MRPS5: variants seen among roughly 807,000 people sequenced by gnomAD.
MRPS5 encodes the protein small ribosomal subunit protein uS5m.
Under a neutral mutation model 51.9 loss-of-function variants are expected in MRPS5, and 27 were observed. That is an observed-to-expected ratio of 0.52 (90% CI 0.38 to 0.72). MRPS5 has a LOEUF of 0.72. Among genes scored for constraint, MRPS5 ranks in the 30% least tolerant of loss-of-function variants. The pLI is 0.00. For missense variants in MRPS5, 570 were observed against 545.7 expected (o/e 1.04, Z -0.44); for synonymous variants, 196 against 193.2 (o/e 1.01, Z -0.12).
chr2:95,106,785 A>C, intron 5 of MRPS5: 1 of 373,534 alleles, frequency 2.7e-6, no homozygotes, highest in Non-Finnish European at 5.0e-6. Flanking sequence ...CCAAGACACC[A>C]CAGTCCATCA....
At chr2:95,102,905 A>G (rs1011929916) in intron 7 of MRPS5, among the ~76,000 whole-genome samples, 6 of 152,244 alleles carry the variant, frequency 3.9e-5, no homozygotes, top group Non-Finnish European at 8.8e-5. Flanking sequence ...TAAATTATAC[A>G]TGGGAAAATA....
chr2:95,120,635 A>C (rs561680066), intron 1 of MRPS5, among the ~76,000 whole-genome samples: 1 of 152,356 alleles, frequency 6.6e-6, no homozygotes, highest in South Asian at 2.1e-4. Flanking sequence ...CTTCGGAGCC[A>C]GGTGATATGG....
rs768319910 is a variant in MRPS5, at chr2:95,090,480, C to A, written c.974G>T (p.Arg325Leu). The part of the protein sequence containing the change: ...RCHRAIITIC[R>L]LIGIKDMYAK... ...ATACATGTCTTTGATGCCAATGAGC[C>A]GGCAGATGGTGATGATGGCCCTGTG... Residue 325 changes from arginine to leucine, a missense_variant, in exon 11 of 12, where the codon CGG becomes CTG. Transcript: ENST00000272418. 3.7e-6 allele frequency: 6 copies of A among 1,614,118 alleles called. No individual in the cohort carries two copies. The highest frequency in any genetic ancestry group is 1.1e-5 in the South Asian group (1 of 91,072).
chr2:95,090,384 A>T lies in MRPS5; in HGVS notation c.1068+2T>A. Reference sequence around the variant, plus strand: ...CTGTTTCAGACCCCGGGAAAGGATTACCTGTCTGGAGAGCCCACGGAAGAG... The same window carrying T: ...CTGTTTCAGACCCCGGGAAAGGATTTCCTGTCTGGAGAGCCCACGGAAGAG... On this transcript the variant is annotated splice_donor_variant, in intron 11 of 11. Transcript: ENST00000272418. LOFTEE classifies it high-confidence loss of function. 6.2e-7 allele frequency: 1 copy of T among 1,613,192 alleles called. No homozygotes were observed. Among genetic ancestry groups the T allele is most frequent in the Non-Finnish European group, 8.5e-7 (1 of 1,179,888 alleles).
At chr2:95,087,619 G>A (rs1303086852) in intron 11 of MRPS5, 38 bp from the exon 12 acceptor site, 1 of 1,553,256 alleles carries the variant, frequency 6.4e-7, no homozygotes, top group East Asian at 2.2e-5. Context: ...TAGGTCTGAA[G>A]TACATTTGCA....
chr2:95,096,954 C>T (rs184549870), intron 10 of MRPS5, among the ~76,000 whole-genome samples: 1 of 152,136 alleles, frequency 6.6e-6, no homozygotes, highest in Admixed American at 6.5e-5. Flanking sequence ...CGTCTCAGCC[C>T]AAAATCTCCT....
intron 4 of MRPS5, among the ~76,000 whole-genome samples, chr2:95,108,947 C>A (rs1383075522): frequency 6.6e-6 from 1 of 150,998 alleles, no homozygotes; most frequent in Non-Finnish European, 1.5e-5. Flanking sequence ...TACATAATAC[C>A]TTTTGTATTC....
At position 95,121,756 on chromosome 2, in the gene MRPS5, G is replaced by T. The variant is rs148536948; in HGVS notation, c.36C>A (p.Pro12=). The change falls in exon 1 of 12, where the codon CCC becomes CCA. Residue 12 remains proline, a synonymous_variant. Coordinates refer to ENST00000272418, the MANE Select transcript of MRPS5 (RefSeq NM_031902.5). The part of the protein sequence containing the change: ...ATAVRAVGCL[P]VLCSGTAGHL... ...CACCTGCCGTCCCGCTACACAGCAC[G>T]GGGAGGCAGCCCACAGCGCGCACCG... 3 of 1,553,890 alleles carry T rather than the reference G, an allele frequency of 1.9e-6. No homozygotes were observed. The highest frequency in any genetic ancestry group is 1.2e-5 in the South Asian group (1 of 85,072).
At chr2:95,104,815 T>A in intron 6 of MRPS5, 85 bp from the exon 7 acceptor site, 1 of 1,184,088 alleles carries the variant, frequency 8.4e-7, no homozygotes, top group Non-Finnish European at 1.2e-6. Flanking sequence ...CTTGCAGGCA[T>A]ACACGGTGAA....
intron 2 of MRPS5, among the ~76,000 whole-genome samples, chr2:95,115,482 G>C (rs911655767): frequency 1.3e-5 from 2 of 152,166 alleles, no homozygotes; most frequent in Non-Finnish European, 2.9e-5. Flanking sequence ...CACTGCATTC[G>C]CTAACCTAGG....
In MRPS5 at chr2:95,098,905, AATTATT is replaced by A. The variant is rs201314204; in HGVS notation, c.931+1563_931+1568del. On this transcript the variant is annotated intron_variant, in intron 10 of 11. Coordinates refer to ENST00000272418, the MANE Select transcript of MRPS5 (RefSeq NM_031902.5). ...ATGGGGACCTTGCCAGAGAAATAAAAATTATTATTATTATTATTTTTTTTTTTTTTT... is the reference window on the plus strand; with the variant it reads ...ATGGGGACCTTGCCAGAGAAATAAAAATTATTATTATTTTTTTTTTTTTTT... 2.9e-5 allele frequency among the ~76,000 whole-genome samples: 4 copies of A among 139,930 alleles called. No homozygotes were observed. The South Asian group carries it at 6.8e-4, about 24-fold the overall frequency. The allele number at this position is 139,930 out of a possible 152,430, so 91.8% of individuals were successfully genotyped here.
chr2:95,088,730 T>C (rs1392890035), intron 11 of MRPS5, among the ~76,000 whole-genome samples: 2 of 152,166 alleles, frequency 1.3e-5, no homozygotes, highest in African/African-American at 4.8e-5. Flanking sequence ...GGTAACTATA[T>C]CAGAAGGTTT....
At position 95,115,727 on chromosome 2, in the gene MRPS5, C is replaced by A. The variant is rs780258899; in HGVS notation, c.140-524G>T. 1.2e-4 allele frequency among the ~76,000 whole-genome samples: 18 copies of A among 152,164 alleles called. 1 individual carries two copies. Among genetic ancestry groups the A allele is most frequent in the Non-Finnish European group, 1.5e-5 (1 of 68,026 alleles). On this transcript the variant is annotated intron_variant, in intron 2 of 11. Coordinates refer to ENST00000272418, the MANE Select transcript of MRPS5 (RefSeq NM_031902.5). Reference sequence around the variant, plus strand: ...TGCCTCTGGGAGATGAGTTACTCAACTGCACAGAGGAAGACAGATGACACA... The same window carrying A: ...TGCCTCTGGGAGATGAGTTACTCAAATGCACAGAGGAAGACAGATGACACA...
Position 95,087,188 on chromosome 2 carries a change from A to G in MRPS5, c.*169T>C, listed in dbSNP as rs1573319934. 3 of 583,312 alleles carry G rather than the reference A, an allele frequency of 5.1e-6. No homozygotes were observed. The highest frequency in any genetic ancestry group is 5.6e-5 in the East Asian group (2 of 35,610). The allele number at this position is 583,312 out of a possible 1,614,324, so 36.1% of individuals were successfully genotyped here. Reference sequence around the variant, plus strand: ...TGTAAAGGTTCTATCACATTGGCATATAACATGTGCTCAACAAATGAAAGC... The same window carrying G: ...TGTAAAGGTTCTATCACATTGGCATGTAACATGTGCTCAACAAATGAAAGC... On this transcript the variant is annotated 3_prime_UTR_variant, in exon 12 of 12. Transcript: ENST00000272418.
chr2:95,087,546 G>A lies in MRPS5; in HGVS notation c.1104C>T (p.Leu368=). Residue 368 remains leucine (L), a synonymous_variant, in exon 12 of 12, where the codon CTC becomes CTT. Transcript: ENST00000272418. ...ATTCCTCCCGGATTTCCACAACATGGAGGCCCTTCTTATCAGCCAGCTGTT... is the reference window on the plus strand; with the variant it reads ...ATTCCTCCCGGATTTCCACAACATGAAGGCCCTTCTTATCAGCCAGCTGTT... ...THQQLADKKG[L]HVVEIREECG... 2 of 1,614,048 alleles carry A rather than the reference G, an allele frequency of 1.2e-6. No individual in the cohort carries two copies. The highest frequency in any genetic ancestry group is 1.7e-6 in the Non-Finnish European group (2 of 1,179,984).
At chr2:95,110,159 G>T in intron 3 of MRPS5, 118 bp from the exon 4 acceptor site, 1 of 1,322,454 alleles carries the variant, frequency 7.6e-7, no homozygotes, top group South Asian at 1.5e-5. Context: ...ATGCATCACT[G>T]AGGTAATGAA....
rs772950984 is a variant in MRPS5 at position 95,104,655 on chromosome 2, C to T, written c.748G>A (p.Gly250Arg). ...CCCCATTCACCTGCAGCTCCTTTTCCGTTCCCCACAGCCACCAAGACACGG... is the reference window on the plus strand; with the variant it reads ...CCCCATTCACCTGCAGCTCCTTTTCTGTTCCCCACAGCCACCAAGACACGG... ...SIRVLVAVGNGKGAAGFSIGK... is the reference protein window; with the variant it reads ...SIRVLVAVGNRKGAAGFSIGK... Residue 250 changes from glycine (G) to arginine (R), a missense_variant, in exon 7 of 12, where the codon GGA (glycine) becomes AGA (arginine). By Grantham distance (125) the Gly-to-Arg change is moderately radical (BLOSUM62 -2). Transcript: ENST00000272418. 2.5e-6 allele frequency: 4 copies of T among 1,614,174 alleles called. No individual in the cohort carries two copies. Among genetic ancestry groups the T allele is most frequent in the Admixed American group, 1.7e-5 (1 of 60,020 alleles).
In MRPS5 at chr2:95,102,156, C is replaced by CA. The variant is rs1330914142; in HGVS notation, c.764-434dup. On this transcript the variant is annotated intron_variant, in intron 7 of 11. Coordinates refer to ENST00000272418, the MANE Select transcript of MRPS5 (RefSeq NM_031902.5). Reference sequence around the variant, plus strand: ...GATAGAGCAAGACCCTGTCTCAAAACAAAAAAAAAAAACCTAACAATAACA... The same window carrying CA: ...GATAGAGCAAGACCCTGTCTCAAAACAAAAAAAAAAAAACCTAACAATAACA... 2.8e-3 allele frequency among the ~76,000 whole-genome samples: 337 copies of CA among 120,282 alleles called. 1 individual carries two copies. In the Middle Eastern group the frequency reaches 0.028, roughly 10 times the overall value. 78.9% of individuals were successfully genotyped at this position (120,282 alleles called of 152,430 possible). A position where few individuals can be genotyped will look rare whatever the true frequency, so the allele number is the denominator to read the frequency against.
At chr2:95,094,942 G>A (rs1172220651) in intron 10 of MRPS5, among the ~76,000 whole-genome samples, 1 of 152,174 alleles carries the variant, frequency 6.6e-6, no homozygotes, top group African/African-American at 2.4e-5. Context: ...TGGCAAATTG[G>A]ATGAAGAGTC....
Sources: allele counts gnomAD v4.1 joint callset (sites outside exome capture counted in the v4.1 genomes callset), GRCh38; gene constraint gnomAD v4.1.1; transcripts MANE v1.5; gene names NCBI Gene and HGNC (gene_info 2026-07-23, HGNC 2026-07-21).